Variants in MDFIC2 observed in about 807,000 individuals in gnomAD.
The protein encoded by MDFIC2 is MyoD family inhibitor domain containing 2, also known as myoD family inhibitor domain-containing protein 2.
At chr3:70,286,016 C>G (rs1434601396) in intron 2 of MDFIC2, among the ~76,000 whole-genome samples, 1 of 151,818 alleles carries the variant, frequency 6.6e-6, no homozygotes, top group East Asian at 1.9e-4. Context: ...GTTGCCTGTT[C>G]ACTCTGATGG....
intron 2 of MDFIC2, among the ~76,000 whole-genome samples, chr3:70,233,591 A>G (rs1179126431): frequency 6.6e-6 from 1 of 152,176 alleles, no homozygotes; most frequent in African/African-American, 2.4e-5. Flanking sequence ...AATCAAAACA[A>G]CAAACATTTC....
At chr3:70,249,838 T>C (rs1203460140) in intron 2 of MDFIC2, among the ~76,000 whole-genome samples, 1 of 152,156 alleles carries the variant, frequency 6.6e-6, no homozygotes, top group African/African-American at 2.4e-5. Flanking sequence ...CCAGTGGTCA[T>C]AAAATAAGAT....
chr3:70,297,288 T>A (rs1702300220), intron 2 of MDFIC2, among the ~76,000 whole-genome samples: 1 of 152,050 alleles, frequency 6.6e-6, no homozygotes, highest in East Asian at 1.9e-4. Context: ...AGCCTATCTG[T>A]TTACTTAAAT....
intron 2 of MDFIC2, among the ~76,000 whole-genome samples, chr3:70,307,364 A>G (rs1461721279): frequency 6.6e-6 from 1 of 152,150 alleles, no homozygotes; most frequent in Non-Finnish European, 1.5e-5. Flanking sequence ...GCAAATGGCA[A>G]CAATTTAAGG....
intron 2 of MDFIC2, among the ~76,000 whole-genome samples, chr3:70,216,074 C>T (rs1701408876): frequency 1.3e-5 from 2 of 151,876 alleles, no homozygotes; most frequent in Admixed American, 1.3e-4. Flanking sequence ...ATTTTAAACA[C>T]ATTGTTATAT....
intron 2 of MDFIC2, among the ~76,000 whole-genome samples, chr3:70,213,753 T>C (rs1701373273): frequency 1.3e-5 from 2 of 152,234 alleles, no homozygotes; most frequent in South Asian, 4.1e-4. Flanking sequence ...TAGGTAATAA[T>C]ACAATATATA....
intron 2 of MDFIC2, among the ~76,000 whole-genome samples, chr3:70,250,578 T>C (rs1338705956): frequency 6.6e-6 from 1 of 152,048 alleles, no homozygotes. Context: ...GGTGGAAAAA[T>C]AGTCTCTGAG....
Position 70,196,541 on chromosome 3 carries a change from A to G in MDFIC2, c.*385T>C, listed in dbSNP as rs1002843542. On this transcript the variant is annotated 3_prime_UTR_variant, in exon 4 of 4. Transcript: ENST00000567252. ...AGACGAGCTAATGTATGTCAATTCT[A>G]AAAGAATGCACTAATTTGTCCTGAA... 6.6e-6 allele frequency among the ~76,000 whole-genome samples: 1 copy of G among 152,204 alleles called. No homozygotes were observed. Among genetic ancestry groups the G allele is most frequent in the Admixed American group, 6.5e-5 (1 of 15,278 alleles).
At chr3:70,240,322 A>G (rs913039983) in intron 2 of MDFIC2, among the ~76,000 whole-genome samples, 2 of 152,052 alleles carry the variant, frequency 1.3e-5, no homozygotes, top group African/African-American at 2.4e-5. Flanking sequence ...AGAAACAAGC[A>G]GAATAACCAA....
At chr3:70,293,364 T>G (rs2106695197) in intron 2 of MDFIC2, among the ~76,000 whole-genome samples, 1 of 152,280 alleles carries the variant, frequency 6.6e-6, no homozygotes, top group Non-Finnish European at 1.5e-5. Flanking sequence ...TAAATAAGAC[T>G]TAGAAGTGGA....
chr3:70,265,862 A>G (rs1218261115), intron 2 of MDFIC2, among the ~76,000 whole-genome samples: 2 of 152,108 alleles, frequency 1.3e-5, no homozygotes, highest in Non-Finnish European at 2.9e-5. Flanking sequence ...CACTTATAAA[A>G]CCATCAGATC....
intron 2 of MDFIC2, among the ~76,000 whole-genome samples, 187 bp downstream of exon 2, chr3:70,311,699 A>G (rs918810792): frequency 2.1e-4 from 32 of 152,148 alleles, no homozygotes; most frequent in Non-Finnish European, 3.7e-4. Context: ...AAGCATTTTA[A>G]TAATAAAGAT....
At chr3:70,258,716 T>G (rs974524984) in intron 2 of MDFIC2, among the ~76,000 whole-genome samples, 13 of 152,114 alleles carry the variant, frequency 8.5e-5, no homozygotes, top group Non-Finnish European at 1.8e-4. Context: ...TTGAAGCATG[T>G]TTTTAATAGC....
chr3:70,292,243 T>G (rs976540232), intron 2 of MDFIC2, among the ~76,000 whole-genome samples: 1 of 152,210 alleles, frequency 6.6e-6, no homozygotes, highest in Non-Finnish European at 1.5e-5. Context: ...GATTGAGTGG[T>G]ACATCTTGTG....
chr3:70,216,910 G>A (rs560825260), intron 2 of MDFIC2, among the ~76,000 whole-genome samples: 3 of 152,210 alleles, frequency 2.0e-5, no homozygotes, highest in South Asian at 2.1e-4. Flanking sequence ...ATTATGCACA[G>A]GGACCCCTTC....
At chr3:70,312,094 A>G in intron 1 of MDFIC2, 121 bp from the exon 2 acceptor site, 1 of 390,392 alleles carries the variant, frequency 2.6e-6, no homozygotes, top group Non-Finnish European at 4.5e-6. Context: ...ATAGTTTTTC[A>G]GTTCACTGTC....
chr3:70,211,661 C>CCCTTTCCCTTCCCTTTCCTT, intron 2 of MDFIC2, among the ~76,000 whole-genome samples: 1 of 114,630 alleles, frequency 8.7e-6, no homozygotes, highest in Non-Finnish European at 1.8e-5. Flanking sequence ...CCCTTCCCTT[C>CCCTTTCCCTTCCCTTTCCTT]CCTTTCCCTT....
chr3:70,260,454 AT>A (rs1701855236), intron 2 of MDFIC2, among the ~76,000 whole-genome samples: 1 of 151,774 alleles, frequency 6.6e-6, no homozygotes. Context: ...ACCTCAACAT[AT>A]TTTTTACATC....
intron 2 of MDFIC2, among the ~76,000 whole-genome samples, chr3:70,301,626 A>G (rs1330676521): frequency 3.9e-5 from 6 of 152,118 alleles, no homozygotes; most frequent in Non-Finnish European, 7.4e-5. Flanking sequence ...TGTTTTATCA[A>G]TCTGCGTTTG....
Sources: allele counts gnomAD v4.1 joint callset (sites outside exome capture counted in the v4.1 genomes callset), GRCh38; gene constraint gnomAD v4.1.1; transcripts MANE v1.5; gene names NCBI Gene and HGNC (gene_info 2026-07-23, HGNC 2026-07-21).